CHD9: variants seen among roughly 807,000 people sequenced by gnomAD.
The protein encoded by CHD9 is chromodomain helicase DNA binding protein 9.
In CHD9, 77 loss-of-function variants were observed where a neutral mutation model predicts 316.1. The ratio of observed to expected loss-of-function variants is 0.24; its 90% CI spans 0.20 to 0.29. The LOEUF (loss-of-function observed/expected upper bound fraction) is 0.29, where lower values mean the gene tolerates loss of function less well. Among genes scored for constraint, CHD9 ranks in the 10% least tolerant of loss-of-function variants. The pLI is 1.00. For missense variants in CHD9, 2,763 were observed against 3,438.1 expected, an observed-to-expected ratio of 0.80 and a Z score of 4.91; for synonymous variants, 1,129 against 1,158.3, an observed-to-expected ratio of 0.97 and a Z score of 0.51.
chr16:53,079,771 G>C (rs987245118), intron 1 of CHD9, among the ~76,000 whole-genome samples: 1 of 152,178 alleles, frequency 6.6e-6, no homozygotes, highest in Non-Finnish European at 1.5e-5. Context: ...GGAGCATCTG[G>C]GTTGGTGAAC....
intron 1 of CHD9, among the ~76,000 whole-genome samples, chr16:53,079,981 G>A (rs915580166): frequency 2.6e-5 from 4 of 152,194 alleles, no homozygotes; most frequent in African/African-American, 7.2e-5. Flanking sequence ...AGGGGGGCAT[G>A]GGGACCTCCT....
intron 2 of CHD9, among the ~76,000 whole-genome samples, chr16:53,175,060 G>A (rs774508851): frequency 1.3e-5 from 2 of 152,082 alleles, no homozygotes; most frequent in Non-Finnish European, 2.9e-5. Context: ...TGACACAATC[G>A]CCTTGTGAGT....
Position 53,245,508 on chromosome 16 carries a change from C to G in CHD9, c.3198+29C>G, listed in dbSNP as rs367821803. ...TCCTATTGCTCTTTGTAAATACATTCATCGCATTTCTAATCATTGTAATTA... is the reference window on the plus strand; with the variant it reads ...TCCTATTGCTCTTTGTAAATACATTGATCGCATTTCTAATCATTGTAATTA... On this transcript the variant is annotated intron_variant, in intron 14 of 38. Transcript: ENST00000447540. This position sits in a 1 kb window ranked among gnomAD's most constrained non-coding sequence, Gnocchi z 4.1. 4 of 1,553,502 alleles carry G rather than the reference C, an allele frequency of 2.6e-6. No homozygotes were observed. Among genetic ancestry groups the G allele is most frequent in the South Asian group, 2.5e-5 (2 of 81,104 alleles).
chr16:53,293,837 A>T (rs541526043), intron 29 of CHD9, among the ~76,000 whole-genome samples: 6 of 152,156 alleles, frequency 3.9e-5, no homozygotes, highest in African/African-American at 1.2e-4. Context: ...AATCCCAGCT[A>T]CTTGGGAGGC....
chr16:53,245,493 C>T lies in CHD9; in HGVS notation c.3198+14C>T, dbSNP rs754821716. On this transcript the variant is annotated intron_variant, in intron 14 of 38. Coordinates refer to ENST00000447540, the MANE Select transcript of CHD9 (RefSeq NM_001308319.2). The surrounding 1 kb of genome is among the most constrained non-coding windows in gnomAD (Gnocchi z 4.1). ...ACAGAGGAACAGGTATCCTATTGCT[C>T]TTTGTAAATACATTCATCGCATTTC... 6.4e-7 allele frequency: 1 copy of T among 1,569,700 alleles called. No individual in the cohort carries two copies. The highest frequency in any genetic ancestry group is 8.6e-7 in the Non-Finnish European group (1 of 1,163,270).
In CHD9 at chr16:53,157,298, A is replaced by G. The variant is rs1597203588; in HGVS notation, c.1209A>G (p.Gly403=). 8 of 1,611,798 alleles carry G rather than the reference A, an allele frequency of 5.0e-6. No homozygotes were observed. The highest frequency in any genetic ancestry group is 5.1e-6 in the Non-Finnish European group (6 of 1,178,744). ...QVESQTEPFT[G]LDPEDLLQEG... is the part of the protein sequence containing the mutation. ...AATCTCAAACTGAGCCATTCACAGGACTTGACCCCGAGGACCTCCTTCAGG... is the reference window on the plus strand; with the variant it reads ...AATCTCAAACTGAGCCATTCACAGGGCTTGACCCCGAGGACCTCCTTCAGG... Residue 403 remains glycine (G), a synonymous_variant, in exon 2 of 39, where the codon GGA becomes GGG. Transcript: ENST00000447540.
At chr16:53,098,279 C>T (rs1442056543) in intron 1 of CHD9, among the ~76,000 whole-genome samples, 1 of 151,870 alleles carries the variant, frequency 6.6e-6, no homozygotes, top group African/African-American at 2.4e-5. Flanking sequence ...AGTTCAAGAC[C>T]AGCCTGGCCA....
chr16:53,142,218 G>A (rs1447384840), intron 1 of CHD9, among the ~76,000 whole-genome samples: 1 of 152,094 alleles, frequency 6.6e-6, no homozygotes, highest in Admixed American at 6.5e-5. Flanking sequence ...GTCGATGAGA[G>A]GGAAATAGAT....
chr16:53,218,137 G>C (rs2046938437), intron 3 of CHD9, among the ~76,000 whole-genome samples: 1 of 152,044 alleles, frequency 6.6e-6, no homozygotes, highest in Non-Finnish European at 1.5e-5. Context: ...AGAAGGTTTA[G>C]TAGGGAAATA....
rs187727640 is a variant in CHD9, at chr16:53,285,092, A to G, written c.4968-504A>G. ...TACACTTGAGTGTTTCAATCAAATT[A>G]TGAATCAAAAATTTGCTATTACAGG... On this transcript the variant is annotated intron_variant, in intron 24 of 38. Coordinates refer to ENST00000447540, the MANE Select transcript of CHD9 (RefSeq NM_001308319.2). Among the ~76,000 whole-genome samples, 12 of 152,290 alleles carry G rather than the reference A, an allele frequency of 7.9e-5. No individual in the cohort carries two copies. The East Asian group carries it at 2.1e-3, about 27-fold the overall frequency.
intron 1 of CHD9, among the ~76,000 whole-genome samples, chr16:53,093,665 T>C (rs2152558897): frequency 6.6e-6 from 1 of 152,344 alleles, no homozygotes; most frequent in African/African-American, 2.4e-5. Flanking sequence ...ACTAATGCCT[T>C]TCAATCAGGC....
At position 53,308,722 on chromosome 16, in the gene CHD9, C is replaced by T. The variant is rs752560562; in HGVS notation, c.7090C>T (p.Leu2364Phe). 2 of 1,613,078 alleles carry T rather than the reference C, an allele frequency of 1.2e-6. No homozygotes were observed. The highest frequency in any genetic ancestry group is 3.3e-5 in the Admixed American group (2 of 59,926). ...GAAGTTGACATTTCAGAAGCAAGGG[C>T]TTGCTCAGAAAAGACCATTTGATGG... ...GLKLTFQKQGLAQKRPFDGED... is the reference protein window; with the variant it reads ...GLKLTFQKQGFAQKRPFDGED... The change falls in exon 34 of 39, where the codon CTT (leucine) becomes TTT (phenylalanine). Residue 2364 changes from leucine (L) to phenylalanine (F), a missense_variant. Around this residue, in one of 15 missense-constraint regions of CHD9, gnomAD observed 663 missense variants for 751.2 expected, o/e 0.88. Transcript: ENST00000447540.
chr16:53,138,294 T>G (rs2039866463), intron 1 of CHD9, among the ~76,000 whole-genome samples: 1 of 152,214 alleles, frequency 6.6e-6, no homozygotes, highest in African/African-American at 2.4e-5. Flanking sequence ...ATTTGTAGTA[T>G]TCTAAGAAAA....
At chr16:53,228,755 T>C (rs1423721375) in intron 7 of CHD9, among the ~76,000 whole-genome samples, 1 of 152,156 alleles carries the variant, frequency 6.6e-6, no homozygotes, top group Non-Finnish European at 1.5e-5. Context: ...CATTTTACTG[T>C]TCTGTTTCTA....
rs2051863488 is a variant in CHD9, at chr16:53,267,991, G to A, written c.4582G>A (p.Val1528Ile). Residue 1528 changes from valine (V) to isoleucine (I), a missense_variant, in exon 22 of 39, where the codon GTA becomes ATA. Around this residue, in one of 15 missense-constraint regions of CHD9, gnomAD observed 99 missense variants for 131.6 expected, o/e 0.75. Coordinates refer to ENST00000447540, the MANE Select transcript of CHD9 (RefSeq NM_001308319.2). Reference protein sequence around the residue: ...RFKRQLNEHDVEIICRALLAY... With the variant: ...RFKRQLNEHDIEIICRALLAY... ...CAAAAGGCAGCTAAATGAACACGAT[G>A]TAGAGATAATTTGCCGAGCTCTCTT... The A allele has an allele frequency of 1.9e-6, 3 of 1,613,652 alleles. No homozygotes were observed. The highest frequency in any genetic ancestry group is 2.5e-6 in the Non-Finnish European group (3 of 1,179,716).
intron 17 of CHD9, among the ~76,000 whole-genome samples, chr16:53,250,902 A>T (rs1426358488): frequency 2.6e-5 from 4 of 152,172 alleles, no homozygotes. Flanking sequence ...CAACCCATTA[A>T]ATAACTACCT....
chr16:53,066,222 A>AT (rs2033492272), intron 1 of CHD9, among the ~76,000 whole-genome samples: 1 of 152,148 alleles, frequency 6.6e-6, no homozygotes, highest in African/African-American at 2.4e-5. Context: ...CGGCAGCATC[A>AT]CAATTTTAAA....
chr16:53,097,299 G>A (rs1241814256), intron 1 of CHD9, among the ~76,000 whole-genome samples: 5 of 152,166 alleles, frequency 3.3e-5, no homozygotes. Context: ...CTAACTCACA[G>A]ATTATTCTGA....
intron 20 of CHD9, among the ~76,000 whole-genome samples, chr16:53,266,820 C>A (rs16952119): frequency 0.032 from 4,938 of 152,216 alleles, 100 homozygotes; most frequent in Middle Eastern, 0.071. Flanking sequence ...TGTATTAAGT[C>A]TTTTGGAAAG....
Sources: allele counts gnomAD v4.1 joint callset (sites outside exome capture counted in the v4.1 genomes callset), GRCh38; gene constraint gnomAD v4.1.1; regional missense constraint gnomAD v4.1.1; non-coding constraint Gnocchi (gnomAD v3.1); transcripts MANE v1.5; gene names NCBI Gene and HGNC (gene_info 2026-07-23, HGNC 2026-07-21).